Variants in RCOR2 observed in about 807,000 individuals in gnomAD.
The protein encoded by RCOR2 is REST corepressor 2.
Under a neutral mutation model 58.9 loss-of-function variants are expected in RCOR2, and 19 were observed. The observed-to-expected ratio is 0.32, with a 90% CI of 0.23 to 0.47. RCOR2 has a LOEUF of 0.47. RCOR2 is among the 20% of genes least tolerant of loss of function. The pLI, the probability that RCOR2 is intolerant of heterozygous loss-of-function variation, is 1.00. For synonymous variants in RCOR2, 286 were observed against 278.7 expected, an observed-to-expected ratio of 1.03 and a Z score of -0.26; for missense variants, 590 against 707.9, an observed-to-expected ratio of 0.83 and a Z score of 1.89.
rs754633685 is a variant in RCOR2, at chr11:63,914,243, G to A, written c.675+18C>T. The A allele has an allele frequency of 6.2e-7, 1 of 1,613,456 alleles. No individual in the cohort carries two copies. Among genetic ancestry groups the A allele is most frequent in the Non-Finnish European group, 8.5e-7 (1 of 1,179,978 alleles). On this transcript the variant is annotated intron_variant, in intron 7 of 11. Transcript: ENST00000301459. The stretch of plus-strand genomic sequence containing the variant: ...CAAGAGGACAGGCAGGCAGGGCCCA[G>A]AGGCTCTGGGAGCTCACCTCTCTCT...
rs1331366404 is a variant in RCOR2 at position 63,914,079 on chromosome 11, G to A, written c.766C>T (p.Arg256Trp). The A allele has an allele frequency of 6.8e-6, 11 of 1,613,982 alleles. No homozygotes were observed. Among genetic ancestry groups the A allele is most frequent in the South Asian group, 2.2e-5 (2 of 91,084 alleles). ...SQYRHHPLRT[R>W]RRPPKGMYLS... ...TACATGCCCTTGGGTGGGCGACGCC[G>A]GGTTCGCAAGGGATGGTGGCGGTAC... The change falls in exon 8 of 12, where the codon CGG (arginine) becomes TGG (tryptophan). Residue 256 changes from arginine to tryptophan, a missense_variant. Arg to Trp is a moderately radical substitution (Grantham distance 101). Transcript: ENST00000301459.
chr11:63,919,176 G>C (rs1450391041), upstream of RCOR2, among the ~76,000 whole-genome samples: 1 of 152,046 alleles, frequency 6.6e-6, no homozygotes, highest in East Asian at 1.9e-4. Context: ...TAGGAGTTTG[G>C]GGGCGACTGT....
chr11:63,919,376 G>A (rs1333263534), upstream of RCOR2, among the ~76,000 whole-genome samples: 1 of 152,056 alleles, frequency 6.6e-6, no homozygotes, highest in Non-Finnish European at 1.5e-5. Context: ...GGCCGGCCTG[G>A]CCATCTGCTC....
rs965050157 is a variant in RCOR2, at chr11:63,911,624, A to C, written c.*241T>G. 4 of 486,268 alleles carry C rather than the reference A, an allele frequency of 8.2e-6. No individual in the cohort carries two copies. The highest frequency in any genetic ancestry group is 1.4e-5 in the Non-Finnish European group (4 of 290,190). The allele number at this position is 486,268 out of a possible 1,614,324, so 30.1% of individuals were successfully genotyped here. A position where few individuals can be genotyped will look rare whatever the true frequency, so the allele number is the denominator to read the frequency against. On this transcript the variant is annotated 3_prime_UTR_variant, in exon 12 of 12. Coordinates refer to ENST00000301459, the MANE Select transcript of RCOR2 (RefSeq NM_173587.4). ...CACAGCCATTCCAGTACCGGCCAGG[A>C]AGCGAAAGTGCCCTCAGGCCAGCTC...
chr11:63,921,897 AACATTTCCC>A (rs1941917587), upstream of RCOR2, among the ~76,000 whole-genome samples: 1 of 152,246 alleles, frequency 6.6e-6, no homozygotes, highest in Admixed American at 6.5e-5. Flanking sequence ...CTATGGGTTG[AACATTTCCC>A]ACAAAGTCCA....
chr11:63,924,644 C>T, the RCOR2 span, among the ~76,000 whole-genome samples: 1 of 152,116 alleles, frequency 6.6e-6, no homozygotes, highest in Non-Finnish European at 1.5e-5. Flanking sequence ...CTGAAAGAGT[C>T]CCCCCACTGG....
intron 10 of RCOR2, 46 bp from the exon 11 acceptor site, chr11:63,912,580 GT>G: frequency 6.3e-7 from 1 of 1,588,870 alleles, no homozygotes; most frequent in Admixed American, 1.7e-5. Flanking sequence ...CTTCGAACTA[GT>G]TACTTCCCTG....
intron 6 of RCOR2, 21 bp from the exon 7 acceptor site, chr11:63,914,351 G>A (rs1565161032): frequency 6.2e-7 from 1 of 1,613,406 alleles, no homozygotes; most frequent in South Asian, 1.1e-5. Flanking sequence ...AGGGGCCAGG[G>A]AGGGAATGAG....
rs963517495 is a variant in RCOR2, at chr11:63,911,679, G to A, written c.*186C>T. 7.2e-5 allele frequency: 72 copies of A among 993,346 alleles called. No homozygotes were observed. Among genetic ancestry groups the A allele is most frequent in the Non-Finnish European group, 8.4e-5 (62 of 738,550 alleles). The allele number at this position is 993,346 out of a possible 1,614,324, so 61.5% of individuals were successfully genotyped here. A position where few individuals can be genotyped will look rare whatever the true frequency, so the allele number is the denominator to read the frequency against. On this transcript the variant is annotated 3_prime_UTR_variant, in exon 12 of 12. Coordinates refer to ENST00000301459, the MANE Select transcript of RCOR2 (RefSeq NM_173587.4). Reference sequence around the variant, plus strand: ...GCCCCTGAGCCCGGCCATGGCCCCAGGAGACAGGCCCAGCTGCCAGGAACA... The same window carrying A: ...GCCCCTGAGCCCGGCCATGGCCCCAAGAGACAGGCCCAGCTGCCAGGAACA...
At chr11:63,917,168 G>A (rs1385489631), upstream of RCOR2, among the ~76,000 whole-genome samples, 1 of 151,968 alleles carries the variant, frequency 6.6e-6, no homozygotes, top group African/African-American at 2.4e-5. Flanking sequence ...ACACAATGAA[G>A]CTGCTGGCAG....
intron 8 of RCOR2, 123 bp downstream of exon 8, chr11:63,913,831 G>C: frequency 1.1e-6 from 1 of 918,130 alleles, no homozygotes; most frequent in Non-Finnish European, 1.8e-6. Flanking sequence ...ACATTACTCA[G>C]AGTCCCAGAG....
At chr11:63,921,002 G>A (rs1941911699), upstream of RCOR2, among the ~76,000 whole-genome samples, 1 of 152,258 alleles carries the variant, frequency 6.6e-6, no homozygotes, top group Non-Finnish European at 1.5e-5. Flanking sequence ...GGCGGCAGAG[G>A]GAGGCAAGAC....
At position 63,912,520 on chromosome 11, in the gene RCOR2, C is replaced by T; in HGVS notation, c.1042G>A (p.Gly348Ser). 1 of 1,613,762 alleles carries T rather than the reference C, an allele frequency of 6.2e-7. No individual in the cohort carries two copies. Among genetic ancestry groups the T allele is most frequent in the Non-Finnish European group, 8.5e-7 (1 of 1,179,762 alleles). Residue 348 changes from glycine to serine, a missense_variant, in exon 11 of 12, where the codon GGC becomes AGC. Around this residue, in one of 3 missense-constraint regions of RCOR2, gnomAD observed 390 missense variants for 478.7 expected, o/e 0.81. Coordinates refer to ENST00000301459, the MANE Select transcript of RCOR2 (RefSeq NM_173587.4). ...TCTGCAATAGCCCCAAAGTCTTTGC[C>T]ATACCTACGGATGGCTGCAAGGGTC... ...LLAVQAIRRY[G>S]KDFGAIAEVI...
Position 63,915,447 on chromosome 11 carries a change from C to A in RCOR2, c.184+108G>T, listed in dbSNP as rs560108315. ...CATGCTGGGGGGCCACCCACCCCTG[C>A]CAGCCTGCCCTTCCAGGGGAGCCAA... On this transcript the variant is annotated intron_variant, in intron 2 of 11. Transcript: ENST00000301459. 2.1e-5 allele frequency: 27 copies of A among 1,281,292 alleles called. No homozygotes were observed. In the African/African-American group the frequency reaches 3.8e-4, roughly 18 times the overall value. 79.4% of individuals were successfully genotyped at this position (1,281,292 alleles called of 1,614,324 possible).
At chr11:63,925,061 C>G in the RCOR2 span, among the ~76,000 whole-genome samples, 1 of 151,998 alleles carries the variant, frequency 6.6e-6, no homozygotes, top group African/African-American at 2.4e-5. Context: ...CCGTGTTGGC[C>G]AGGCTGGTCC....
At chr11:63,921,728 G>A (rs1474037485), upstream of RCOR2, among the ~76,000 whole-genome samples, 2 of 151,664 alleles carry the variant, frequency 1.3e-5, no homozygotes, top group Non-Finnish European at 2.9e-5. Flanking sequence ...CTCCCCTCTT[G>A]AGCACCCCCA....
At chr11:63,919,450 G>C (rs1013635384), upstream of RCOR2, among the ~76,000 whole-genome samples, 1 of 152,134 alleles carries the variant, frequency 6.6e-6, no homozygotes, top group African/African-American at 2.4e-5. Flanking sequence ...GCTGCGGGGC[G>C]GGGCTGCGCC....
chr11:63,917,721 C>T (rs1941880859), upstream of RCOR2, among the ~76,000 whole-genome samples: 1 of 152,168 alleles, frequency 6.6e-6, no homozygotes, highest in South Asian at 2.1e-4. Flanking sequence ...AGGGTCGCCC[C>T]AATTCCCTTT....
At chr11:63,924,022 C>A in the RCOR2 span, among the ~76,000 whole-genome samples, 425 of 152,292 alleles carry the variant, frequency 2.8e-3, 2 homozygotes, top group African/African-American at 0.01. Flanking sequence ...GATTCTCCTG[C>A]CTCAGCCTCC....
Sources: gnomAD v4.1 joint callset for allele counts (sites outside exome capture counted in the v4.1 genomes callset) on GRCh38, gnomAD v4.1.1 for gene constraint, gnomAD v4.1.1 regional missense constraint, MANE v1.5 for transcripts, NCBI Gene and HGNC (gene_info 2026-07-23, HGNC 2026-07-21) for gene names.